FBRSL1: variants seen among roughly 807,000 people sequenced by gnomAD.
FBRSL1 encodes fibrosin like 1, also known as fibrosin-1-like protein.
Under a neutral mutation model 89.6 loss-of-function variants are expected in FBRSL1, and 51 were observed. That is an observed-to-expected ratio of 0.57 (90% CI 0.45 to 0.72). The LOEUF (loss-of-function observed/expected upper bound fraction) is 0.72, where lower values mean the gene tolerates loss of function less well. Among genes scored for constraint, FBRSL1 ranks in the 30% least tolerant of loss-of-function variants. The pLI is 0.00. For synonymous variants in FBRSL1, 779 were observed against 681.1 expected (o/e 1.14, Z -2.24); for missense variants, 1,618 against 1,451.8 (o/e 1.11, Z -1.86).
chr12:132,523,771 G>T (rs2035561021), intron 2 of FBRSL1, among the ~76,000 whole-genome samples: 1 of 152,206 alleles, frequency 6.6e-6, no homozygotes, highest in African/African-American at 2.4e-5. Flanking sequence ...TCCTGGAGCG[G>T]GCTGGAAACT....
intron 5 of FBRSL1, among the ~76,000 whole-genome samples, chr12:132,550,387 A>G (rs1032981281): frequency 3.9e-5 from 6 of 152,154 alleles, no homozygotes; most frequent in African/African-American, 1.4e-4. Context: ...TGGCTGCGGC[A>G]AGGTCTGAGC....
intron 5 of FBRSL1, among the ~76,000 whole-genome samples, chr12:132,559,515 C>T (rs1269480332): frequency 1.2e-4 from 19 of 152,228 alleles, no homozygotes; most frequent in Admixed American, 1.2e-3. Flanking sequence ...CCTCAGCCTC[C>T]CCAGTAGCTG....
chr12:132,491,757 T>C (rs1390264571), intron 1 of FBRSL1, among the ~76,000 whole-genome samples: 3 of 152,256 alleles, frequency 2.0e-5, no homozygotes, highest in Non-Finnish European at 2.9e-5. Flanking sequence ...CAGCAAGTCC[T>C]CTTCAAGTTC....
chr12:132,578,362 C>CAT (rs1420225191), intron 15 of FBRSL1, among the ~76,000 whole-genome samples: 1 of 152,020 alleles, frequency 6.6e-6, no homozygotes, highest in Non-Finnish European at 1.5e-5. Flanking sequence ...CACACACACA[C>CAT]ACACAAAATC....
chr12:132,583,832 A>G lies in FBRSL1; in HGVS notation c.*54A>G, dbSNP rs2040968262. The G allele has an allele frequency of 9.5e-7, 1 of 1,056,128 alleles. No homozygotes were observed. The highest frequency in any genetic ancestry group is 3.8e-4 in the Middle Eastern group (1 of 2,656). The allele number at this position is 1,056,128 out of a possible 1,614,324, so 65.4% of individuals were successfully genotyped here. ...GGAGCGCACCGCTGTCCGTCTCTCC[A>G]TCAGTTCCTAGAACTCAAGCACAGC... On this transcript the variant is annotated 3_prime_UTR_variant, in exon 19 of 19. Transcript: ENST00000680143.
chr12:132,575,775 C>T (rs932615292), intron 14 of FBRSL1, among the ~76,000 whole-genome samples: 1 of 152,282 alleles, frequency 6.6e-6, no homozygotes, highest in African/African-American at 2.4e-5. Context: ...CACGTAGTGC[C>T]AGAGTACCCC....
intron 4 of FBRSL1, among the ~76,000 whole-genome samples, chr12:132,536,120 T>C (rs535928492): frequency 6.7e-6 from 1 of 148,894 alleles, no homozygotes; most frequent in South Asian, 2.2e-4. Context: ...TACATGACAG[T>C]GTGCCATGTG....
intron 5 of FBRSL1, 111 bp downstream of exon 5, chr12:132,548,143 G>A (rs1437281341): frequency 6.8e-6 from 9 of 1,330,024 alleles, no homozygotes; most frequent in South Asian, 5.3e-5. Flanking sequence ...GGCCTTGGGG[G>A]GATCCCCCCG....
At chr12:132,550,937 G>A (rs763815037) in intron 5 of FBRSL1, 30 of 194,412 alleles carry the variant, frequency 1.5e-4, no homozygotes, top group African/African-American at 3.2e-4. Flanking sequence ...GAGGGTGTGC[G>A]TGGAGCCCAT....
At chr12:132,530,108 C>T (rs2036138370) in intron 4 of FBRSL1, among the ~76,000 whole-genome samples, 5 of 151,772 alleles carry the variant, frequency 3.3e-5, no homozygotes, top group Admixed American at 3.3e-4. Context: ...GATGACACTC[C>T]TCTGCCCTTC....
chr12:132,509,072 A>G, intron 2 of FBRSL1: 1 of 1,194,624 alleles, frequency 8.4e-7, no homozygotes, highest in Non-Finnish European at 1.0e-6. Flanking sequence ...GGGCTGCTGG[A>G]GAAGGGCAGC....
chr12:132,582,020 GCAGA>G lies in FBRSL1; in HGVS notation c.1997-36_1997-33del, dbSNP rs369363517. ...GGTTCTCCTGGGGAGTGGCTGGGGA[GCAGA>G]CAGACCCAACCTCATGCTCCCCGGC... On this transcript the variant is annotated intron_variant, in intron 17 of 18. Transcript: ENST00000680143. 2,688 of 1,479,812 alleles carry G rather than the reference GCAGA, an allele frequency of 1.8e-3. 44 individuals carry two copies. The African/African-American group carries it at 0.033, about 18-fold the overall frequency. 91.7% of individuals were successfully genotyped at this position (1,479,812 alleles called of 1,614,324 possible). A position where few individuals can be genotyped will look rare whatever the true frequency, so the allele number is the denominator to read the frequency against.
intron 1 of FBRSL1, among the ~76,000 whole-genome samples, chr12:132,495,231 G>T (rs1019804499): frequency 6.6e-6 from 1 of 152,256 alleles, no homozygotes; most frequent in Admixed American, 6.5e-5. Flanking sequence ...GGGCTTCACA[G>T]AGGGGCCAGG....
chr12:132,578,225 G>T (rs1162373916), intron 15 of FBRSL1, among the ~76,000 whole-genome samples: 2 of 152,126 alleles, frequency 1.3e-5, no homozygotes, highest in Non-Finnish European at 2.9e-5. Flanking sequence ...CACGCCCGTG[G>T]TCCCAGCTCC....
At chr12:132,551,438 G>A (rs2038150093) in intron 5 of FBRSL1, 1 of 456,226 alleles carries the variant, frequency 2.2e-6, no homozygotes, top group African/African-American at 2.0e-5. Context: ...CGCAGAAGCG[G>A]ATGCCGGGGC....
chr12:132,545,961 T>C (rs544800572), intron 4 of FBRSL1, among the ~76,000 whole-genome samples: 2 of 152,282 alleles, frequency 1.3e-5, no homozygotes, highest in South Asian at 4.1e-4. Flanking sequence ...TGGGGCTGCC[T>C]CCTGTCCCAC....
intron 5 of FBRSL1, among the ~76,000 whole-genome samples, chr12:132,567,181 C>T (rs1338304323): frequency 1.3e-5 from 2 of 152,174 alleles, no homozygotes; most frequent in Admixed American, 6.5e-5. Flanking sequence ...CCCCAGTCCA[C>T]GCCAGCAGCA....
In FBRSL1 at chr12:132,570,215, G is replaced by A. The variant is rs1433969028; in HGVS notation, c.981G>A (p.Ala327=). ...GCGCCTTCGCGGGCCACAGCCAGGC[G>A]GCAGCCAACGGCCTGCACGGCCTCA... ...SLGAFAGHSQ[A]AANGLHGLSR... is the part of the protein sequence containing the mutation. The change falls in exon 7 of 19, where the codon GCG becomes GCA. Residue 327 remains alanine, a synonymous_variant. Coordinates refer to ENST00000680143, the MANE Select transcript of FBRSL1 (RefSeq NM_001367871.1). 32 of 1,499,932 alleles carry A rather than the reference G, an allele frequency of 2.1e-5. No homozygotes were observed. Among genetic ancestry groups the A allele is most frequent in the East Asian group, 1.3e-4 (5 of 38,082 alleles). 92.9% of individuals were successfully genotyped at this position (1,499,932 alleles called of 1,614,324 possible). A position where few individuals can be genotyped will look rare whatever the true frequency, so the allele number is the denominator to read the frequency against.
At chr12:132,502,066 G>A (rs890888105) in intron 1 of FBRSL1, among the ~76,000 whole-genome samples, 2 of 152,244 alleles carry the variant, frequency 1.3e-5, no homozygotes, top group African/African-American at 4.8e-5. Flanking sequence ...TGGTTTTGAA[G>A]AGGTGACCTC....
Sources: allele counts gnomAD v4.1 joint callset (sites outside exome capture counted in the v4.1 genomes callset), GRCh38; gene constraint gnomAD v4.1.1; transcripts MANE v1.5; gene names NCBI Gene and HGNC (gene_info 2026-07-23, HGNC 2026-07-21).